Variants in AKAP7 observed in about 807,000 individuals in gnomAD.
AKAP7 encodes A-kinase anchoring protein 7.
In AKAP7, 39 loss-of-function variants were observed where a neutral mutation model predicts 39.5. That is an observed-to-expected ratio of 0.99 (90% CI 0.76 to 1.29). The LOEUF is 1.29. Ranked by LOEUF, AKAP7 falls within the 50% of genes most tolerant of loss-of-function variation. AKAP7 has a pLI of 0.00. For synonymous variants in AKAP7, 140 were observed against 139.1 expected (o/e 1.01, Z -0.05); for missense variants, 414 against 407.7 (o/e 1.02, Z -0.13).
chr6:131,243,206 A>T (rs1175506544), intron 7 of AKAP7, among the ~76,000 whole-genome samples: 1 of 152,234 alleles, frequency 6.6e-6, no homozygotes, highest in African/African-American at 2.4e-5. Context: ...GGAGATAATG[A>T]CATTTCTTTA....
chr6:131,242,196 A>G (rs574292156), intron 7 of AKAP7: 9 of 984,408 alleles, frequency 9.1e-6, no homozygotes, highest in African/African-American at 7.0e-5. Flanking sequence ...TGAGTATTTT[A>G]TCTTGATTCT....
chr6:131,226,323 T>C (rs1562227737), intron 7 of AKAP7, among the ~76,000 whole-genome samples: 7 of 152,206 alleles, frequency 4.6e-5, no homozygotes. Flanking sequence ...TTTGGTCGGA[T>C]ATGGTGGCAA....
chr6:131,203,259 T>G (rs1807783218), intron 6 of AKAP7, among the ~76,000 whole-genome samples: 1 of 152,198 alleles, frequency 6.6e-6, no homozygotes, highest in Admixed American at 6.5e-5. Flanking sequence ...CTTAACGTTT[T>G]TACATTTCCA....
intron 1 of AKAP7, among the ~76,000 whole-genome samples, chr6:131,143,915 G>A (rs1437303982): frequency 7.1e-6 from 1 of 140,054 alleles, no homozygotes. Flanking sequence ...GCGGCCTTCC[G>A]AAGTGTTTGT....
chr6:131,157,702 CTATT>C (rs894767554), intron 2 of AKAP7, among the ~76,000 whole-genome samples: 1 of 152,110 alleles, frequency 6.6e-6, no homozygotes, highest in African/African-American at 2.4e-5. Flanking sequence ...ATGCTACAAA[CTATT>C]TCTTAGTAAT....
chr6:131,169,591 C>G (rs1019949628), intron 5 of AKAP7, among the ~76,000 whole-genome samples: 2 of 152,200 alleles, frequency 1.3e-5, no homozygotes, highest in African/African-American at 4.8e-5. Context: ...CTGCTCCCCT[C>G]CACCCAGTCC....
At position 131,152,757 on chromosome 6, in the gene AKAP7, G is replaced by A. The variant is rs1230120239; in HGVS notation, c.152-7302G>A. 3.3e-5 allele frequency among the ~76,000 whole-genome samples: 5 copies of A among 150,558 alleles called. No individual in the cohort carries two copies. The East Asian group carries it at 9.8e-4, about 29-fold the overall frequency. On this transcript the variant is annotated intron_variant, in intron 2 of 7. Coordinates refer to ENST00000431975, the MANE Select transcript of AKAP7 (RefSeq NM_016377.4). ...CATGAGAATCGCTTGAACCTGGGAGGTGGAGGTTGCAGTGAGCTGAGATTG... is the reference window on the plus strand; with the variant it reads ...CATGAGAATCGCTTGAACCTGGGAGATGGAGGTTGCAGTGAGCTGAGATTG...
intron 5 of AKAP7, among the ~76,000 whole-genome samples, chr6:131,171,634 A>G (rs1226850882): frequency 6.6e-6 from 1 of 152,202 alleles, no homozygotes; most frequent in African/African-American, 2.4e-5. Flanking sequence ...AATAAGCAGC[A>G]TGTAATGGGG....
chr6:131,247,027 G>A (rs936433176), intron 7 of AKAP7, among the ~76,000 whole-genome samples: 1 of 151,754 alleles, frequency 6.6e-6, no homozygotes, highest in African/African-American at 2.4e-5. Context: ...TGTAAAATGG[G>A]GATAGTAATA....
At chr6:131,166,641 T>G (rs1207585056) in intron 4 of AKAP7, among the ~76,000 whole-genome samples, 1 of 152,160 alleles carries the variant, frequency 6.6e-6, no homozygotes, top group Admixed American at 6.5e-5. Context: ...GGCCTTTAGC[T>G]GATTGGTTTG....
At chr6:131,199,388 TA>T (rs962510664) in intron 5 of AKAP7, 72 bp from the exon 6 acceptor site, 68 of 971,368 alleles carry the variant, frequency 7.0e-5, no homozygotes, top group Non-Finnish European at 1.0e-4. Context: ...TTTGAACTGG[TA>T]TTTTTTTTTA....
intron 7 of AKAP7, among the ~76,000 whole-genome samples, chr6:131,266,460 T>C (rs1422625766): frequency 1.3e-5 from 2 of 152,220 alleles, no homozygotes; most frequent in African/African-American, 4.8e-5. Flanking sequence ...GCTAGTTCCA[T>C]TTCCTACAGT....
chr6:131,282,577 C>T lies in AKAP7; in HGVS notation c.*851C>T, dbSNP rs770689140. On this transcript the variant is annotated 3_prime_UTR_variant, in exon 8 of 8. Transcript: ENST00000431975. ...TTAACAACAGTAATTCAGCAAATGA[C>T]GTTGATTTCAGCACAACTTTGACAT... 5.7e-5 allele frequency: 88 copies of T among 1,535,656 alleles called. No individual in the cohort carries two copies. The South Asian group carries it at 7.0e-4, about 12-fold the overall frequency.
At chr6:131,154,007 C>T (rs970030364) in intron 2 of AKAP7, among the ~76,000 whole-genome samples, 4 of 152,000 alleles carry the variant, frequency 2.6e-5, no homozygotes, top group Non-Finnish European at 2.9e-5. Flanking sequence ...GTAAGGAGTT[C>T]GAGACCATCC....
intron 1 of AKAP7, among the ~76,000 whole-genome samples, chr6:131,143,746 T>C (rs935406945): frequency 1.2e-5 from 1 of 81,872 alleles, no homozygotes; most frequent in African/African-American, 6.5e-5. Flanking sequence ...TTCTTTTTTT[T>C]TTTTTATTTT....
At chr6:131,136,806 T>TCAA (rs201443825) in intron 1 of AKAP7, 26,880 of 974,872 alleles carry the variant, frequency 0.028, 402 homozygotes, top group Middle Eastern at 0.042. Flanking sequence ...TCAAGTAACT[T>TCAA]GTTGATTTCT....
chr6:131,200,628 G>T (rs1202326357), intron 6 of AKAP7, among the ~76,000 whole-genome samples: 2 of 152,034 alleles, frequency 1.3e-5, no homozygotes, highest in African/African-American at 2.4e-5. Flanking sequence ...ACAAACTATT[G>T]CTGAAAATCT....
In AKAP7 at chr6:131,219,748, T is replaced by C; in HGVS notation, c.790T>C (p.Ser264Pro). Reference sequence around the variant, plus strand: ...AATATTATATCGCATAGATCTTTGCTCCATGCTGAAGAAAAAACAAAGTAA... The same window carrying C: ...AATATTATATCGCATAGATCTTTGCCCCATGCTGAAGAAAAAACAAAGTAA... ...EEILYRIDLC[S>P]MLKKKQSNGY... The change falls in exon 7 of 8, where the codon TCC becomes CCC. Residue 264 changes from serine to proline, a missense_variant. Physicochemically the swap from Ser to Pro is moderately conservative, Grantham distance 74 (BLOSUM62 -1). Transcript: ENST00000431975. The C allele has an allele frequency of 9.4e-6, 15 of 1,597,518 alleles. No homozygotes were observed. The highest frequency in any genetic ancestry group is 1.3e-5 in the Non-Finnish European group (15 of 1,172,468).
intron 2 of AKAP7, among the ~76,000 whole-genome samples, chr6:131,154,518 A>G (rs1449289293): frequency 6.9e-6 from 1 of 145,520 alleles, no homozygotes; most frequent in Non-Finnish European, 1.5e-5. Context: ...ACTTTGAAGC[A>G]TATATTAGAG....
Sources: gnomAD v4.1 joint callset for allele counts (sites outside exome capture counted in the v4.1 genomes callset) on GRCh38, gnomAD v4.1.1 for gene constraint, MANE v1.5 for transcripts, NCBI Gene and HGNC (gene_info 2026-07-23, HGNC 2026-07-21) for gene names.